The following MOB1A variants were observed in gnomAD, a reference collection of about 807,000 sequenced individuals.
MOB1A encodes MOB kinase activator 1A.
Under a neutral mutation model 25.1 loss-of-function variants are expected in MOB1A, and 10 were observed. That is an observed-to-expected ratio of 0.40 (90% CI 0.25 to 0.68). The LOEUF (loss-of-function observed/expected upper bound fraction) is 0.68, where lower values mean the gene tolerates loss of function less well. Ranked by LOEUF, MOB1A falls within the 30% of genes least tolerant of loss-of-function variation. The pLI is 0.40. For synonymous variants in MOB1A, 81 were observed against 79.5 expected (o/e 1.02, Z -0.10); for missense variants, 177 against 256.3 (o/e 0.69, Z 2.11).
intron 5 of MOB1A, 47 bp downstream of exon 5, chr2:74,159,044 A>G: frequency 6.3e-7 from 1 of 1,594,332 alleles, no homozygotes; most frequent in Non-Finnish European, 8.6e-7. Flanking sequence ...TCCCAATCCA[A>G]ATAAGTCCAA....
chr2:74,156,537 C>G lies in MOB1A; in HGVS notation c.*31G>C. 1.4e-6 allele frequency: 2 copies of G among 1,444,640 alleles called. No homozygotes were observed. The highest frequency in any genetic ancestry group is 1.9e-6 in the Non-Finnish European group (2 of 1,050,002). 89.5% of individuals were successfully genotyped at this position (1,444,640 alleles called of 1,614,324 possible). A position where few individuals can be genotyped will look rare whatever the true frequency, so the allele number is the denominator to read the frequency against. On this transcript the variant is annotated 3_prime_UTR_variant, in exon 6 of 6. Transcript: ENST00000396049. ...GAGATAGTTCTAGCAATAGATGAAG[C>G]AAGGGGGTAACTGTGTTCTAGAAGA... is the stretch of plus-strand genomic sequence containing the variant.
chr2:74,158,923 G>T, intron 5 of MOB1A, 168 bp downstream of exon 5: 2 of 720,684 alleles, frequency 2.8e-6, no homozygotes, highest in South Asian at 1.9e-5. Flanking sequence ...TTATACTGCT[G>T]CACACATCAA....
chr2:74,170,399 A>G (rs1245616200), intron 2 of MOB1A, among the ~76,000 whole-genome samples: 1 of 152,050 alleles, frequency 6.6e-6, no homozygotes, highest in African/African-American at 2.4e-5. Context: ...GGCCTCCCAA[A>G]GTGCTGGGAT....
rs758542555 is a variant in MOB1A, at chr2:74,159,085, A to G, written c.573+6T>C. On this transcript the variant is annotated splice_donor_region_variant and intron_variant, in intron 5 of 5. Transcript: ENST00000396049. ...AGGACACAGAAATCAACATGGATCA[A>G]CTTACCTGAACAAAGAAAATAAAGT... 2 of 1,613,404 alleles carry G rather than the reference A, an allele frequency of 1.2e-6. No individual in the cohort carries two copies. Among genetic ancestry groups the G allele is most frequent in the South Asian group, 1.1e-5 (1 of 91,046 alleles).
At chr2:74,172,037 C>G (rs896038574) in intron 2 of MOB1A, among the ~76,000 whole-genome samples, 2 of 152,200 alleles carry the variant, frequency 1.3e-5, no homozygotes, top group Non-Finnish European at 2.9e-5. Context: ...GAGAGACTCT[C>G]ACATTCAAAT....
chr2:74,167,024 C>T lies in MOB1A; in HGVS notation c.265G>A (p.Ala89Thr). The change falls in exon 3 of 6, where the codon GCA (alanine) becomes ACA (threonine). Residue 89 changes from alanine to threonine, a missense_variant. Transcript: ENST00000396049. ...CTEASCPVMS[A>T]GPRYEYHWAD... The stretch of plus-strand genomic sequence containing the variant: ...AGGCAGTATATGTACCTCGGACCTG[C>T]AGACATGACTGGACAGCTTGCTTCA... The T allele has an allele frequency of 6.2e-7, 1 of 1,613,318 alleles. No homozygotes were observed. The highest frequency in any genetic ancestry group is 8.5e-7 in the Non-Finnish European group (1 of 1,179,320).
intron 2 of MOB1A, among the ~76,000 whole-genome samples, chr2:74,170,460 GT>G (rs1388256926): frequency 2.7e-5 from 4 of 150,942 alleles, no homozygotes; most frequent in Non-Finnish European, 4.4e-5. Flanking sequence ...TTTAAAAAAG[GT>G]TTTTTTTTGG....
At chr2:74,173,213 C>T (rs866731650) in intron 1 of MOB1A, 4 of 517,904 alleles carry the variant, frequency 7.7e-6, no homozygotes, top group Middle Eastern at 3.2e-4. Context: ...TTTTTTTCCC[C>T]TGCCTGTAAA....
intron 5 of MOB1A, among the ~76,000 whole-genome samples, chr2:74,158,300 G>A (rs957618181): frequency 8.0e-5 from 12 of 150,748 alleles, no homozygotes; most frequent in Non-Finnish European, 1.3e-4. Flanking sequence ...AGATCAGGAA[G>A]AGCATGGTAC....
chr2:74,175,146 A>G (rs1693414675), intron 1 of MOB1A, among the ~76,000 whole-genome samples: 1 of 152,170 alleles, frequency 6.6e-6, no homozygotes, highest in Non-Finnish European at 1.5e-5. Context: ...GAGCGTGAAC[A>G]CTACTGTGAA....
rs1185020058 is a variant in MOB1A, at chr2:74,153,383, T to C, written c.*3185A>G. The C allele has an allele frequency of 2.0e-5, 3 of 152,230 alleles. No homozygotes were observed. The highest frequency in any genetic ancestry group is 7.2e-5 in the African/African-American group (3 of 41,460). 9.4% of individuals were successfully genotyped at this position (152,230 alleles called of 1,614,324 possible). ...CCACAATATTGACAAAACTTAGTACTACCACCAAGATTGTTCCTCTTGCCT... is the reference window on the plus strand; with the variant it reads ...CCACAATATTGACAAAACTTAGTACCACCACCAAGATTGTTCCTCTTGCCT... On this transcript the variant is annotated 3_prime_UTR_variant, in exon 6 of 6. Transcript: ENST00000396049.
At chr2:74,178,629 A>G in intron 1 of MOB1A, 32 bp downstream of exon 1, 2 of 1,377,738 alleles carry the variant, frequency 1.5e-6, no homozygotes, top group South Asian at 1.7e-5. Context: ...CTCGGCCCGC[A>G]GGCCCGGCGC....
intron 2 of MOB1A, among the ~76,000 whole-genome samples, chr2:74,167,994 C>T (rs1693180285): frequency 6.6e-6 from 1 of 152,070 alleles, no homozygotes; most frequent in Non-Finnish European, 1.5e-5. Flanking sequence ...AAAAAATTAG[C>T]CAGGCGTGGT....
Position 74,152,632 on chromosome 2 carries a change from A to C in MOB1A, c.*3936T>G, listed in dbSNP as rs1044900167. The C allele has an allele frequency of 6.6e-6, 1 of 152,262 alleles. No homozygotes were observed. The highest frequency in any genetic ancestry group is 1.5e-5 in the Non-Finnish European group (1 of 68,050). 9.4% of individuals were successfully genotyped at this position (152,262 alleles called of 1,614,324 possible). On this transcript the variant is annotated 3_prime_UTR_variant, in exon 6 of 6. Coordinates refer to ENST00000396049, the MANE Select transcript of MOB1A (RefSeq NM_018221.5). ...ATATATTTTATTCTGACGAAGTTAC[A>C]AAAGTAGATACAAAATACTTTTTTT...
At position 74,165,400 on chromosome 2, in the gene MOB1A, A is replaced by T. The variant is rs1420165367; in HGVS notation, c.276-49T>A. On this transcript the variant is annotated intron_variant, in intron 3 of 5. Transcript: ENST00000396049. ...ATAAATTTTTCAAAAATATTAACAA[A>T]TGTGCAAGTTGTGATTAAAACAGGT... 10 of 1,226,552 alleles carry T rather than the reference A, an allele frequency of 8.2e-6. No individual in the cohort carries two copies. The Admixed American group carries it at 3.0e-4, about 36-fold the overall frequency. The allele number at this position is 1,226,552 out of a possible 1,614,324, so 76.0% of individuals were successfully genotyped here. A position where few individuals can be genotyped will look rare whatever the true frequency, so the allele number is the denominator to read the frequency against.
At chr2:74,172,322 C>A (rs79644206) in intron 2 of MOB1A, among the ~76,000 whole-genome samples, 1,908 of 152,264 alleles carry the variant, frequency 0.013, 30 homozygotes, top group African/African-American at 0.043. Flanking sequence ...TTTTATCTGA[C>A]CTTACTCAGC....
Position 74,165,229 on chromosome 2 carries a change from G to A in MOB1A, c.398C>T (p.Pro133Leu). The change falls in exon 4 of 6, where the codon CCT (proline) becomes CTT (leucine). Residue 133 changes from proline (P) to leucine (L), a missense_variant. Coordinates refer to ENST00000396049, the MANE Select transcript of MOB1A (RefSeq NM_018221.5). ...CAATGTTAACTCACCAATCTTAGAAGGAAAAAGAGTTTCATCATCAAGCTG... is the reference window on the plus strand; with the variant it reads ...CAATGTTAACTCACCAATCTTAGAAAGAAAAAGAGTTTCATCATCAAGCTG... ...QDQLDDETLF[P>L]SKIGVPFPKN... 6.5e-7 allele frequency: 1 copy of A among 1,538,244 alleles called. No homozygotes were observed. The highest frequency in any genetic ancestry group is 1.3e-5 in the South Asian group (1 of 78,652).
At position 74,156,076 on chromosome 2, in the gene MOB1A, C is replaced by T. The variant is rs1470636769; in HGVS notation, c.*492G>A. ...CTGAAGTGACACAGATGTTCTAAAT[C>T]TCAAGGATACTGAAAAATACATTTT... On this transcript the variant is annotated 3_prime_UTR_variant, in exon 6 of 6. Transcript: ENST00000396049. 1 of 153,040 alleles carries T rather than the reference C, an allele frequency of 6.5e-6. No homozygotes were observed. The highest frequency in any genetic ancestry group is 1.5e-5 in the Non-Finnish European group (1 of 68,406). The allele number at this position is 153,040 out of a possible 1,614,324, so 9.5% of individuals were successfully genotyped here.
At chr2:74,164,121 A>G (rs1224668003) in intron 4 of MOB1A, 1 of 152,226 alleles carries the variant, frequency 6.6e-6, no homozygotes, top group Non-Finnish European at 1.5e-5. Context: ...TGTTGTGCAC[A>G]TAAGATAATC....
Sources: gnomAD v4.1 joint callset for allele counts (sites outside exome capture counted in the v4.1 genomes callset) on GRCh38, gnomAD v4.1.1 for gene constraint, MANE v1.5 for transcripts, NCBI Gene and HGNC (gene_info 2026-07-23, HGNC 2026-07-21) for gene names.